SPOCK3: variants seen among roughly 807,000 people sequenced by gnomAD.
SPOCK3 encodes testican-3.
Under a neutral mutation model 56.6 loss-of-function variants are expected in SPOCK3, and 30 were observed. The observed-to-expected ratio is 0.53, with a 90% CI of 0.40 to 0.72. The LOEUF is 0.72. Among genes scored for constraint, SPOCK3 ranks in the 30% least tolerant of loss-of-function variants. The pLI, the probability that SPOCK3 is intolerant of heterozygous loss-of-function variation, is 0.00. For missense variants in SPOCK3, 527 were observed against 530.0 expected, an observed-to-expected ratio of 0.99 and a Z score of 0.06; for synonymous variants, 196 against 183.3, an observed-to-expected ratio of 1.07 and a Z score of -0.56.
chr4:167,129,679 T>C (rs774635349), intron 2 of SPOCK3, among the ~76,000 whole-genome samples: 1 of 152,176 alleles, frequency 6.6e-6, no homozygotes, highest in African/African-American at 2.4e-5. Context: ...TCATAAAACA[T>C]GTAGTCAGCA....
chr4:166,763,580 A>G (rs954640059), intron 7 of SPOCK3, among the ~76,000 whole-genome samples: 6 of 152,126 alleles, frequency 3.9e-5, no homozygotes, highest in African/African-American at 1.4e-4. Context: ...AGCAAAAACC[A>G]TAACAAAGTA....
intron 2 of SPOCK3, among the ~76,000 whole-genome samples, chr4:167,134,022 C>CTTTTTTTTTTTT (rs34410893): frequency 1.2e-5 from 1 of 80,560 alleles, no homozygotes; most frequent in African/African-American, 4.9e-5. Flanking sequence ...ACACCTTTTT[C>CTTTTTTTTTTTT]TTTTTTTTTT....
chr4:167,025,224 T>G (rs1256748617), intron 3 of SPOCK3, among the ~76,000 whole-genome samples: 1 of 143,958 alleles, frequency 6.9e-6, no homozygotes, highest in African/African-American at 2.5e-5. Context: ...CTGAATGCTT[T>G]TTTTTTTTTC....
chr4:167,051,921 C>G (rs966671763), intron 3 of SPOCK3, among the ~76,000 whole-genome samples: 2 of 152,332 alleles, frequency 1.3e-5, no homozygotes, highest in Middle Eastern at 3.4e-3. Flanking sequence ...ATTTGATTAA[C>G]TTCCTGCTCT....
chr4:167,162,202 T>C (rs1765381095), intron 2 of SPOCK3, among the ~76,000 whole-genome samples: 1 of 152,098 alleles, frequency 6.6e-6, no homozygotes, highest in Non-Finnish European at 1.5e-5. Flanking sequence ...TACACCAGTT[T>C]ATCTGTTTCT....
At chr4:166,869,896 T>C (rs1407320734) in intron 6 of SPOCK3, among the ~76,000 whole-genome samples, 3 of 152,018 alleles carry the variant, frequency 2.0e-5, no homozygotes, top group Non-Finnish European at 4.4e-5. Context: ...ACTTAAACAG[T>C]AATTTTTATT....
chr4:167,207,703 T>C (rs1734486660), intron 2 of SPOCK3, among the ~76,000 whole-genome samples: 2 of 152,274 alleles, frequency 1.3e-5, no homozygotes, highest in Admixed American at 1.3e-4. Context: ...TTTCAATAAG[T>C]TAATATGCAA....
At chr4:167,131,094 T>C (rs1052035883) in intron 2 of SPOCK3, among the ~76,000 whole-genome samples, 1 of 151,994 alleles carries the variant, frequency 6.6e-6, no homozygotes, top group Non-Finnish European at 1.5e-5. Flanking sequence ...TTTAAAAATA[T>C]TACTAAATTA....
At chr4:167,112,085 G>A (rs1760951882) in intron 2 of SPOCK3, among the ~76,000 whole-genome samples, 2 of 152,144 alleles carry the variant, frequency 1.3e-5, no homozygotes, top group Non-Finnish European at 2.9e-5. Context: ...AGAAGCTTTA[G>A]TTTGGTGAAA....
At chr4:166,856,269 T>C (rs551006320) in intron 6 of SPOCK3, among the ~76,000 whole-genome samples, 42 of 152,234 alleles carry the variant, frequency 2.8e-4, no homozygotes, top group Admixed American at 9.8e-4. Flanking sequence ...GCTGATGTTC[T>C]ATTGCACAGC....
At chr4:167,034,824 G>A (rs1752597763) in intron 3 of SPOCK3, among the ~76,000 whole-genome samples, 1 of 152,034 alleles carries the variant, frequency 6.6e-6, no homozygotes, top group Admixed American at 6.6e-5. Flanking sequence ...TGTTCAGGGT[G>A]AAAACAAAAA....
At chr4:167,008,848 G>T (rs1749725038) in intron 3 of SPOCK3, among the ~76,000 whole-genome samples, 1 of 151,960 alleles carries the variant, frequency 6.6e-6, no homozygotes, top group African/African-American at 2.4e-5. Context: ...CAGCAAGAAG[G>T]GAGGGAAGCA....
intron 2 of SPOCK3, among the ~76,000 whole-genome samples, chr4:167,104,347 G>T (rs1221288304): frequency 6.6e-6 from 1 of 152,016 alleles, no homozygotes; most frequent in Non-Finnish European, 1.5e-5. Context: ...GAACACAGAA[G>T]AAATTCAGAA....
chr4:167,029,722 G>A (rs1198811592), intron 3 of SPOCK3, among the ~76,000 whole-genome samples: 1 of 151,854 alleles, frequency 6.6e-6, no homozygotes, highest in Non-Finnish European at 1.5e-5. Flanking sequence ...TATATTTGCT[G>A]TTCTTCAATA....
At chr4:166,829,328 G>A (rs141880476) in intron 6 of SPOCK3, among the ~76,000 whole-genome samples, 2 of 152,102 alleles carry the variant, frequency 1.3e-5, no homozygotes, top group East Asian at 3.9e-4. Context: ...CTAGCCAGGT[G>A]GCAGAAAATA....
In SPOCK3 at chr4:167,232,841, G is replaced by A. The variant is rs539543409; in HGVS notation, c.189+1144C>T. On this transcript the variant is annotated intron_variant, in intron 2 of 10. Transcript: ENST00000357545. ...GATTTGGCTTGTCAGCTACTTCATG[G>A]AGAGGCTGAGAGAATGGGTTAGAGG... Among the ~76,000 whole-genome samples the A allele has an allele frequency of 7.0e-4, 106 of 152,262 alleles. 1 individual carries two copies. The highest frequency in any genetic ancestry group is 2.2e-3 in the African/African-American group (92 of 41,530).
chr4:167,116,178 T>G (rs1761310650), intron 2 of SPOCK3, among the ~76,000 whole-genome samples: 1 of 151,688 alleles, frequency 6.6e-6, no homozygotes, highest in African/African-American at 2.4e-5. Context: ...ACCCAAGAGG[T>G]ATCTGTATGT....
At chr4:166,856,658 C>A (rs1579441029) in intron 6 of SPOCK3, among the ~76,000 whole-genome samples, 1 of 151,966 alleles carries the variant, frequency 6.6e-6, no homozygotes, top group Non-Finnish European at 1.5e-5. Context: ...CCTGTAGACC[C>A]AGCTACTCAG....
At chr4:166,896,274 A>C (rs1735371268) in intron 5 of SPOCK3, among the ~76,000 whole-genome samples, 1 of 152,156 alleles carries the variant, frequency 6.6e-6, no homozygotes, top group South Asian at 2.1e-4. Flanking sequence ...CTTTACTCAC[A>C]TCAAGAAGAG....
Sources: allele counts gnomAD v4.1 joint callset (sites outside exome capture counted in the v4.1 genomes callset), GRCh38; gene constraint gnomAD v4.1.1; transcripts MANE v1.5; gene names NCBI Gene and HGNC (gene_info 2026-07-23, HGNC 2026-07-21).